The following PRKCH variants were observed in gnomAD, a reference collection of about 807,000 sequenced individuals.
PRKCH encodes the protein protein kinase C eta, also known as protein kinase C eta type.
Under a neutral mutation model 82.5 loss-of-function variants are expected in PRKCH, and 28 were observed. The ratio of observed to expected loss-of-function variants is 0.34; its 90% CI spans 0.25 to 0.47. The LOEUF is 0.47. Among genes scored for constraint, PRKCH ranks in the 20% least tolerant of loss-of-function variants. The probability of loss-of-function intolerance (pLI) is 1.00; values close to 1 mark genes in which losing one functional copy is unlikely to be tolerated. For synonymous variants in PRKCH, 322 were observed against 327.4 expected (o/e 0.98, Z 0.18); for missense variants, 705 against 881.8 (o/e 0.80, Z 2.54).
At chr14:61,215,222 T>C (rs558859235) in intron 1 of PRKCH, among the ~76,000 whole-genome samples, 5 of 152,260 alleles carry the variant, frequency 3.3e-5, no homozygotes, top group African/African-American at 1.2e-4. Context: ...GTGAGGAACA[T>C]TCACAACCAG....
chr14:61,216,978 A>G (rs893559870), intron 1 of PRKCH, among the ~76,000 whole-genome samples: 6 of 152,190 alleles, frequency 3.9e-5, no homozygotes, highest in Non-Finnish European at 8.8e-5. Flanking sequence ...CCCTTGATCT[A>G]TACCTTAATC....
intron 1 of PRKCH, among the ~76,000 whole-genome samples, chr14:61,296,562 G>A (rs922503269): frequency 2.0e-5 from 3 of 152,140 alleles, no homozygotes; most frequent in Admixed American, 6.5e-5. Flanking sequence ...TCCAAGATAC[G>A]TTCAGTAGCC....
chr14:61,395,297 C>CCCT (rs1555383094), intron 2 of PRKCH, among the ~76,000 whole-genome samples: 1 of 147,190 alleles, frequency 6.8e-6, no homozygotes, highest in East Asian at 2.1e-4. Flanking sequence ...GGAGCCCCCC[C>CCCT]CCGCATTTGC....
At chr14:61,238,738 T>C (rs2044810963) in intron 1 of PRKCH, among the ~76,000 whole-genome samples, 3 of 147,412 alleles carry the variant, frequency 2.0e-5, no homozygotes, top group African/African-American at 5.0e-5. Flanking sequence ...GTTCTTTTAC[T>C]CTCTTCTCTG....
intron 2 of PRKCH, among the ~76,000 whole-genome samples, chr14:61,402,563 G>A (rs1039272061): frequency 2.6e-5 from 4 of 152,120 alleles, no homozygotes; most frequent in Non-Finnish European, 5.9e-5. Context: ...TTGGGAGGCC[G>A]AGGCGGGCAG....
intron 1 of PRKCH, among the ~76,000 whole-genome samples, chr14:61,247,169 A>G (rs902018612): frequency 6.6e-6 from 1 of 152,200 alleles, no homozygotes; most frequent in Non-Finnish European, 1.5e-5. Flanking sequence ...AGTATATGGT[A>G]AGAGTTGGCA....
intron 1 of PRKCH, among the ~76,000 whole-genome samples, chr14:61,344,603 G>C (rs1406768599): frequency 2.0e-5 from 3 of 152,182 alleles, no homozygotes; most frequent in Non-Finnish European, 4.4e-5. Context: ...GGAGCCAGCT[G>C]TGGGACGATC....
intron 1 of PRKCH, among the ~76,000 whole-genome samples, chr14:61,190,679 A>G (rs1464061023): frequency 6.6e-6 from 1 of 152,002 alleles, no homozygotes; most frequent in Non-Finnish European, 1.5e-5. Flanking sequence ...TTTCCACTCT[A>G]GGACCACTCT....
chr14:61,426,230 G>T (rs1015730810), intron 2 of PRKCH, among the ~76,000 whole-genome samples: 1 of 152,192 alleles, frequency 6.6e-6, no homozygotes, highest in Non-Finnish European at 1.5e-5. Flanking sequence ...GCTTCTTCAT[G>T]TAGAGGAACA....
At chr14:61,222,623 GAGCTTTGAATGGGTTTC>G (rs1162000627) in intron 1 of PRKCH, among the ~76,000 whole-genome samples, 3 of 152,190 alleles carry the variant, frequency 2.0e-5, no homozygotes, top group Non-Finnish European at 4.4e-5. Flanking sequence ...TGAATCATTT[GAGCTTTGAATGGGTTTC>G]CTCATGGGGA....
chr14:61,437,872 G>A (rs1328714256), intron 2 of PRKCH, among the ~76,000 whole-genome samples: 1 of 151,962 alleles, frequency 6.6e-6, no homozygotes, highest in African/African-American at 2.4e-5. Flanking sequence ...CGAGGCAGGA[G>A]GATCACTTGA....
intron 10 of PRKCH, among the ~76,000 whole-genome samples, chr14:61,506,116 C>T (rs555244645): frequency 6.6e-5 from 10 of 152,214 alleles, no homozygotes; most frequent in African/African-American, 1.9e-4. Context: ...TTGTGGGTCT[C>T]GGAGAAAAAG....
intron 1 of PRKCH, among the ~76,000 whole-genome samples, chr14:61,372,998 A>G (rs918125299): frequency 1.3e-5 from 2 of 151,934 alleles, no homozygotes; most frequent in South Asian, 4.1e-4. Flanking sequence ...CAGTCCTGCC[A>G]GTTGCACCTG....
At chr14:61,307,699 T>C (rs1025444632) in intron 1 of PRKCH, among the ~76,000 whole-genome samples, 2 of 152,250 alleles carry the variant, frequency 1.3e-5, no homozygotes, top group Admixed American at 1.3e-4. Context: ...TTTTTGTTTT[T>C]TATCATAAAA....
At chr14:61,326,246 A>G (rs555727029) in intron 1 of PRKCH, among the ~76,000 whole-genome samples, 1 of 152,370 alleles carries the variant, frequency 6.6e-6, no homozygotes, top group Non-Finnish European at 1.5e-5. Flanking sequence ...ATACAATGGA[A>G]TATTACTCAG....
chr14:61,212,433 T>C (rs968040208), intron 1 of PRKCH, among the ~76,000 whole-genome samples: 54 of 152,230 alleles, frequency 3.5e-4, no homozygotes, highest in African/African-American at 1.3e-3. Context: ...CAGTAATACA[T>C]AGACATGCTC....
intron 1 of PRKCH, among the ~76,000 whole-genome samples, chr14:61,366,819 TG>T (rs1054559413): frequency 1.3e-5 from 2 of 152,008 alleles, no homozygotes; most frequent in Non-Finnish European, 2.9e-5. Flanking sequence ...TTCAGGGCTC[TG>T]GGGGCTCTTA....
intron 4 of PRKCH, among the ~76,000 whole-genome samples, chr14:61,447,073 C>G (rs912935365): frequency 6.6e-6 from 1 of 152,090 alleles, no homozygotes; most frequent in African/African-American, 2.4e-5. Flanking sequence ...GAGAGGTATG[C>G]CATTCTAACA....
chr14:61,225,571 AG>A (rs1282158542), intron 1 of PRKCH, among the ~76,000 whole-genome samples: 2 of 152,194 alleles, frequency 1.3e-5, no homozygotes, highest in African/African-American at 4.8e-5. Context: ...AATACGCATA[AG>A]TTCTCCATGG....
Sources: gnomAD v4.1 joint callset for allele counts (sites outside exome capture counted in the v4.1 genomes callset) on GRCh38, gnomAD v4.1.1 for gene constraint, MANE v1.5 for transcripts, NCBI Gene and HGNC (gene_info 2026-07-23, HGNC 2026-07-21) for gene names.